RUSC2: variants seen among roughly 807,000 people sequenced by gnomAD.
RUSC2 encodes AP-4 complex accessory subunit RUSC2.
RUSC2 carries 34 observed loss-of-function variants against 122.2 expected under a neutral mutation model. That is an observed-to-expected ratio of 0.28 (90% CI 0.21 to 0.37). The LOEUF (loss-of-function observed/expected upper bound fraction) is 0.37. Ranked by LOEUF, RUSC2 falls within the 10% of genes least tolerant of loss-of-function variation. RUSC2 has a pLI of 1.00. For synonymous variants in RUSC2, 784 were observed against 790.0 expected, an observed-to-expected ratio of 0.99 and a Z score of 0.13; for missense variants, 1,747 against 1,952.4, an observed-to-expected ratio of 0.89 and a Z score of 1.98.
chr9:35,497,621 T>C (rs1264842286), intron 1 of RUSC2, among the ~76,000 whole-genome samples: 1 of 152,172 alleles, frequency 6.6e-6, no homozygotes, highest in Non-Finnish European at 1.5e-5. Flanking sequence ...CCCAAGAAGA[T>C]CTCCAGACCT....
chr9:35,504,604 T>A (rs1820878644), intron 1 of RUSC2, among the ~76,000 whole-genome samples: 2 of 152,100 alleles, frequency 1.3e-5, no homozygotes, highest in Admixed American at 6.6e-5. Context: ...TAGCTGGTAT[T>A]ACAGGTGTGC....
chr9:35,519,849 A>T (rs1159000186), intron 1 of RUSC2, among the ~76,000 whole-genome samples: 2 of 152,140 alleles, frequency 1.3e-5, no homozygotes, highest in East Asian at 3.9e-4. Context: ...AGTTTTACAA[A>T]TGAGGAAGCT....
At chr9:35,520,284 A>G (rs761847508) in intron 1 of RUSC2, among the ~76,000 whole-genome samples, 9 of 152,162 alleles carry the variant, frequency 5.9e-5, no homozygotes, top group Non-Finnish European at 7.4e-5. Flanking sequence ...TGTAGAGAAC[A>G]TGGCCAGATT....
intron 1 of RUSC2, among the ~76,000 whole-genome samples, chr9:35,525,891 C>A (rs1288278582): frequency 6.6e-6 from 1 of 152,062 alleles, no homozygotes; most frequent in Non-Finnish European, 1.5e-5. Flanking sequence ...TTGAGACCAG[C>A]CTGGGCAACA....
At chr9:35,539,609 A>G (rs1821603808) in intron 1 of RUSC2, among the ~76,000 whole-genome samples, 1 of 152,176 alleles carries the variant, frequency 6.6e-6, no homozygotes, top group African/African-American at 2.4e-5. Context: ...ACATGCACAT[A>G]GACACACATA....
At chr9:35,495,041 T>C (rs1374882981) in intron 1 of RUSC2, among the ~76,000 whole-genome samples, 33 of 87,686 alleles carry the variant, frequency 3.8e-4, no homozygotes, top group African/African-American at 1.2e-3. Flanking sequence ...ATATATACTA[T>C]AGTATATATA....
Position 35,556,040 on chromosome 9 carries a change from C to T in RUSC2, c.2745C>T (p.Asp915=), listed in dbSNP as rs200958975. ...CACCTGGTTTGTCAGGGAGCCTAGACCGAAGATCACAAGAAGCTCGGCTGG... is the reference window on the plus strand; with the variant it reads ...CACCTGGTTTGTCAGGGAGCCTAGATCGAAGATCACAAGAAGCTCGGCTGG... ...LGPPGLSGSL[D]RRSQEARLAR... is the part of the protein sequence containing the mutation. Residue 915 remains aspartate, a synonymous_variant, in exon 4 of 12, where the codon GAC becomes GAT. Transcript: ENST00000361226. The T allele has an allele frequency of 4.3e-6, 7 of 1,614,212 alleles. No homozygotes were observed. Among genetic ancestry groups the T allele is most frequent in the Middle Eastern group, 3.3e-4 (2 of 6,060 alleles).
At chr9:35,511,917 A>G (rs1360446237) in intron 1 of RUSC2, among the ~76,000 whole-genome samples, 1 of 152,170 alleles carries the variant, frequency 6.6e-6, no homozygotes, top group Non-Finnish European at 1.5e-5. Flanking sequence ...GCGGTGGCTC[A>G]CGCCTGTAAT....
chr9:35,552,034 G>A (rs1443907508), intron 2 of RUSC2, among the ~76,000 whole-genome samples: 1 of 151,584 alleles, frequency 6.6e-6, no homozygotes, highest in East Asian at 1.9e-4. Flanking sequence ...CTGCATCCCA[G>A]CCTGGGCAAA....
chr9:35,494,641 GTTGT>G (rs747727964), intron 1 of RUSC2, among the ~76,000 whole-genome samples: 4 of 151,890 alleles, frequency 2.6e-5, no homozygotes, highest in African/African-American at 4.8e-5. Context: ...CTTGGATTGG[GTTGT>G]TTGTCGTTGA....
chr9:35,533,291 G>A (rs1821459546), intron 1 of RUSC2, among the ~76,000 whole-genome samples: 1 of 151,694 alleles, frequency 6.6e-6, no homozygotes, highest in South Asian at 2.1e-4. Context: ...AAGAAAGAGA[G>A]GACTATCTGA....
intron 1 of RUSC2, among the ~76,000 whole-genome samples, chr9:35,536,646 C>T (rs1326520342): frequency 6.6e-6 from 1 of 151,864 alleles, no homozygotes; most frequent in Admixed American, 6.6e-5. Flanking sequence ...AACCCCGTCT[C>T]TTCTAAAAGT....
chr9:35,496,013 A>G (rs1820705271), intron 1 of RUSC2, among the ~76,000 whole-genome samples: 1 of 152,184 alleles, frequency 6.6e-6, no homozygotes, highest in Non-Finnish European at 1.5e-5. Context: ...AGTTGCTCCA[A>G]AACAGATGAA....
chr9:35,521,668 G>T (rs1005363009), intron 1 of RUSC2, among the ~76,000 whole-genome samples: 2 of 152,226 alleles, frequency 1.3e-5, no homozygotes, highest in African/African-American at 4.8e-5. Context: ...TATGTGAGAA[G>T]CCAAAAGCAA....
chr9:35,559,823 C>T (rs1249749612), intron 9 of RUSC2, among the ~76,000 whole-genome samples: 1 of 152,196 alleles, frequency 6.6e-6, no homozygotes, highest in Non-Finnish European at 1.5e-5. Flanking sequence ...TCTCACTCCT[C>T]TAAACTCAGG....
At chr9:35,559,655 A>G (rs2131704520) in intron 9 of RUSC2, among the ~76,000 whole-genome samples, 1 of 152,278 alleles carries the variant, frequency 6.6e-6, no homozygotes, top group South Asian at 2.1e-4. Context: ...GAATTGCTTG[A>G]ACCTGAGAGG....
intron 1 of RUSC2, among the ~76,000 whole-genome samples, chr9:35,522,971 T>C (rs1020512548): frequency 1.3e-5 from 2 of 152,160 alleles, no homozygotes; most frequent in Admixed American, 6.5e-5. Context: ...GCAGAGTGAT[T>C]ATTGGGAAGA....
rs758528157 is a variant in RUSC2, at chr9:35,560,478, G to C, written c.3838G>C (p.Val1280Leu). ...GTACCAGCTCATGCAGAGCTCCCAG[G>C]TCTACATCGATGGCTCCATTGAGGG... ...WWYQLMQSSQVYIDGSIEGSR... is the reference protein window; with the variant it reads ...WWYQLMQSSQLYIDGSIEGSR... Residue 1280 changes from valine (V) to leucine (L), a missense_variant, in exon 10 of 12, where the codon GTC becomes CTC. By Grantham distance (32) the Val-to-Leu change is conservative (BLOSUM62 1). Coordinates refer to ENST00000361226, the MANE Select transcript of RUSC2 (RefSeq NM_014806.5). 1.2e-6 allele frequency: 2 copies of C among 1,614,238 alleles called. No homozygotes were observed. Among genetic ancestry groups the C allele is most frequent in the East Asian group, 4.5e-5 (2 of 44,884 alleles).
chr9:35,503,108 C>T (rs1018807429), intron 1 of RUSC2, among the ~76,000 whole-genome samples: 1 of 152,148 alleles, frequency 6.6e-6, no homozygotes, highest in Non-Finnish European at 1.5e-5. Flanking sequence ...GTAATACACC[C>T]GCCTTAGCTT....
Sources: gnomAD v4.1 joint callset for allele counts (sites outside exome capture counted in the v4.1 genomes callset) on GRCh38, gnomAD v4.1.1 for gene constraint, MANE v1.5 for transcripts, NCBI Gene and HGNC (gene_info 2026-07-23, HGNC 2026-07-21) for gene names.